MPPED1: variants seen among roughly 807,000 people sequenced by gnomAD.
MPPED1 encodes the protein metallophosphoesterase domain containing 1.
MPPED1 carries 16 observed loss-of-function variants against 36.2 expected under a neutral mutation model. That is an observed-to-expected ratio of 0.44 (90% CI 0.30 to 0.67). The LOEUF (loss-of-function observed/expected upper bound fraction) is 0.67, where lower values mean the gene tolerates loss of function less well. Among genes scored for constraint, MPPED1 ranks in the 30% least tolerant of loss-of-function variants. The pLI is 0.10. For synonymous variants in MPPED1, 199 were observed against 191.3 expected (o/e 1.04, Z -0.33); for missense variants, 307 against 453.4 (o/e 0.68, Z 2.93).
intron 4 of MPPED1, among the ~76,000 whole-genome samples, chr22:43,483,551 T>C (rs1931815257): frequency 6.6e-6 from 1 of 152,290 alleles, no homozygotes; most frequent in African/African-American, 2.4e-5. Context: ...CGGCACTCAG[T>C]GCCAAGTTTC....
At chr22:43,477,615 C>T (rs1601998725) in intron 4 of MPPED1, among the ~76,000 whole-genome samples, 3 of 152,190 alleles carry the variant, frequency 2.0e-5, no homozygotes, top group African/African-American at 4.8e-5. Context: ...CATCTTGCCA[C>T]GGCCTCCTCA....
At chr22:43,467,848 G>A (rs1258696160) in intron 3 of MPPED1, among the ~76,000 whole-genome samples, 1 of 152,222 alleles carries the variant, frequency 6.6e-6, no homozygotes, top group African/African-American at 2.4e-5. Context: ...GAATGGCATC[G>A]ATGGTGGAGA....
rs1221446409 is a variant in MPPED1, at chr22:43,506,066, A to C, written c.*450A>C. 1 of 157,384 alleles carries C rather than the reference A, an allele frequency of 6.4e-6. No individual in the cohort carries two copies. The highest frequency in any genetic ancestry group is 1.9e-4 in the East Asian group (1 of 5,276). The allele number at this position is 157,384 out of a possible 1,614,324, so 9.7% of individuals were successfully genotyped here. ...GTGGGAGGATTCGTGAGCTGCACAC[A>C]GACAGTCCCTTTCTCTCCTCCCAAG... is the stretch of plus-strand genomic sequence containing the variant. On this transcript the variant is annotated 3_prime_UTR_variant, in exon 7 of 7. Coordinates refer to ENST00000443721, the MANE Select transcript of MPPED1 (RefSeq NM_001044370.2).
chr22:43,438,164 C>T (rs990948693), intron 3 of MPPED1, among the ~76,000 whole-genome samples: 3 of 152,172 alleles, frequency 2.0e-5, no homozygotes, highest in African/African-American at 7.2e-5. Flanking sequence ...ATGAGGGCGG[C>T]ACGGGAGCCA....
chr22:43,495,477 A>AGGTGGTGGTGGTGGAGAT (rs1214538877), intron 4 of MPPED1, among the ~76,000 whole-genome samples: 1 of 15,366 alleles, frequency 6.5e-5, no homozygotes, highest in Non-Finnish European at 1.0e-4. Flanking sequence ...GTGATGGTGG[A>AGGTGGTGGTGGTGGAGAT]GGTGGTGGTG....
In MPPED1 at chr22:43,478,340, C is replaced by T. The variant is rs78809113; in HGVS notation, c.632+3379C>T. ...TCAGGAATAAACTTGTTAATTCATT[C>T]ATCAAGGATGTACAGAGTGCCAGGG... On this transcript the variant is annotated intron_variant, in intron 4 of 6. Coordinates refer to ENST00000443721, the MANE Select transcript of MPPED1 (RefSeq NM_001044370.2). Among the ~76,000 whole-genome samples, 365 of 152,278 alleles carry T rather than the reference C, an allele frequency of 2.4e-3. 3 individuals are homozygous for T. The highest frequency in any genetic ancestry group is 7.4e-3 in the African/African-American group (307 of 41,552).
intron 3 of MPPED1, among the ~76,000 whole-genome samples, chr22:43,435,493 T>C (rs1929927431): frequency 6.6e-6 from 1 of 152,132 alleles, no homozygotes; most frequent in Non-Finnish European, 1.5e-5. Context: ...CAAAAGGGAC[T>C]TTGCTCATGT....
intron 3 of MPPED1, among the ~76,000 whole-genome samples, chr22:43,464,993 C>T (rs1265604649): frequency 6.6e-6 from 1 of 152,206 alleles, no homozygotes; most frequent in Non-Finnish European, 1.5e-5. Flanking sequence ...TAACACCCTC[C>T]GTGGGCACCC....
chr22:43,435,132 C>T lies in MPPED1; in HGVS notation c.323C>T (p.Pro108Leu). Residue 108 changes from proline to leucine, a missense_variant, in exon 3 of 7, where the codon CCG becomes CTG. Physicochemically the swap from Pro to Leu is moderately conservative, Grantham distance 98. This residue lies in a region of MPPED1 where 169 missense variants were observed against 212.3 expected (regional missense o/e 0.80). Transcript: ENST00000443721. The part of the protein sequence containing the change: ...THSRTDPIQM[P>L]YGDVLIHAGD... The stretch of plus-strand genomic sequence containing the variant: ...TCGAGGACGGACCCCATCCAGATGC[C>T]GTACGGCGACGTGCTGATCCACGCT... 3.1e-6 allele frequency: 5 copies of T among 1,613,800 alleles called. No homozygotes were observed. Among genetic ancestry groups the T allele is most frequent in the Non-Finnish European group, 4.2e-6 (5 of 1,179,890 alleles).
At chr22:43,504,269 A>G (rs1186982458) in intron 6 of MPPED1, among the ~76,000 whole-genome samples, 2 of 151,798 alleles carry the variant, frequency 1.3e-5, no homozygotes, top group Non-Finnish European at 2.9e-5. Flanking sequence ...GATAGTGCTG[A>G]TACAATAATA....
At chr22:43,448,138 C>G (rs964074592) in intron 3 of MPPED1, among the ~76,000 whole-genome samples, 1 of 152,068 alleles carries the variant, frequency 6.6e-6, no homozygotes, top group Admixed American at 6.6e-5. Flanking sequence ...ATCCACCTGC[C>G]TTGGCCTCCC....
At chr22:43,449,861 A>G (rs1930501592) in intron 3 of MPPED1, among the ~76,000 whole-genome samples, 1 of 134,572 alleles carries the variant, frequency 7.4e-6, no homozygotes, top group Non-Finnish European at 1.6e-5. Flanking sequence ...ATGCAGGTGA[A>G]GTGCAAGTTC....
At chr22:43,441,241 T>G (rs954186667) in intron 3 of MPPED1, among the ~76,000 whole-genome samples, 1 of 152,188 alleles carries the variant, frequency 6.6e-6, no homozygotes, top group Non-Finnish European at 1.5e-5. Flanking sequence ...TTTGGGACCC[T>G]CTCAGTCAGG....
At chr22:43,461,115 GCAC>G (rs1930942930) in intron 3 of MPPED1, among the ~76,000 whole-genome samples, 1 of 152,204 alleles carries the variant, frequency 6.6e-6, no homozygotes, top group Non-Finnish European at 1.5e-5. Context: ...TATAATCCTA[GCAC>G]TTTGGGAGGC....
At chr22:43,445,181 G>C (rs1930293770) in intron 3 of MPPED1, among the ~76,000 whole-genome samples, 1 of 152,134 alleles carries the variant, frequency 6.6e-6, no homozygotes, top group South Asian at 2.1e-4. Flanking sequence ...CTATTCCTGT[G>C]CCCTCCTTAT....
At chr22:43,480,999 T>A (rs1431701870) in intron 4 of MPPED1, among the ~76,000 whole-genome samples, 2 of 152,072 alleles carry the variant, frequency 1.3e-5, no homozygotes, top group Non-Finnish European at 2.9e-5. Context: ...AATTTTTGTA[T>A]TTTTGTAGAG....
chr22:43,461,870 C>T (rs2146868052), intron 3 of MPPED1, among the ~76,000 whole-genome samples: 1 of 152,236 alleles, frequency 6.6e-6, no homozygotes, highest in African/African-American at 2.4e-5. Flanking sequence ...CTTCATCTGC[C>T]AAATATTAAT....
At position 43,506,619 on chromosome 22, in the gene MPPED1, C is replaced by G. The variant is rs556498263; in HGVS notation, c.*1003C>G. The stretch of plus-strand genomic sequence containing the variant: ...GGATTCTGTCTGGCATGCCTGCAGC[C>G]GAGGAAGCCCAGGACCAGCCGGCCC... On this transcript the variant is annotated 3_prime_UTR_variant, in exon 7 of 7. Coordinates refer to ENST00000443721, the MANE Select transcript of MPPED1 (RefSeq NM_001044370.2). The G allele has an allele frequency of 6.6e-6, 1 of 152,198 alleles. No homozygotes were observed. Among genetic ancestry groups the G allele is most frequent in the African/African-American group, 2.4e-5 (1 of 41,442 alleles). The allele number at this position is 152,198 out of a possible 1,614,324, so 9.4% of individuals were successfully genotyped here.
At chr22:43,460,315 T>G (rs1930913461) in intron 3 of MPPED1, among the ~76,000 whole-genome samples, 1 of 142,854 alleles carries the variant, frequency 7.0e-6, no homozygotes, top group Non-Finnish European at 1.5e-5. Context: ...TGGATTTTGT[T>G]TATTTGTTTG....
Sources: allele counts gnomAD v4.1 joint callset (sites outside exome capture counted in the v4.1 genomes callset), GRCh38; gene constraint gnomAD v4.1.1; regional missense constraint gnomAD v4.1.1; transcripts MANE v1.5; gene names NCBI Gene and HGNC (gene_info 2026-07-23, HGNC 2026-07-21).